The following TRMT9B variants were observed in gnomAD, a reference collection of about 807,000 sequenced individuals.
TRMT9B encodes tRNA methyltransferase 9B (putative), also known as probable tRNA methyltransferase 9B.
TRMT9B carries 16 observed loss-of-function variants against 11.5 expected under a neutral mutation model. That is an observed-to-expected ratio of 1.39 (90% CI 0.94 to 2.11). TRMT9B has a LOEUF of 2.11. Among genes scored for constraint, TRMT9B ranks in the 30% most tolerant of loss-of-function variants. The probability of loss-of-function intolerance (pLI) is 0.00; values close to 1 mark genes in which losing one functional copy is unlikely to be tolerated. For synonymous variants in TRMT9B, 274 were observed against 192.4 expected, an observed-to-expected ratio of 1.42 and a Z score of -3.51; for missense variants, 941 against 553.8, an observed-to-expected ratio of 1.70 and a Z score of -7.02.
At chr8:13,018,556 A>G (rs536556806) in intron 4 of TRMT9B, among the ~76,000 whole-genome samples, 1 of 152,266 alleles carries the variant, frequency 6.6e-6, no homozygotes, top group African/African-American at 2.4e-5. Flanking sequence ...ATAGTCAATT[A>G]TCATTATCTA....
At chr8:13,005,264 G>A (rs900129214) in intron 2 of TRMT9B, among the ~76,000 whole-genome samples, 3 of 152,132 alleles carry the variant, frequency 2.0e-5, no homozygotes, top group African/African-American at 7.2e-5. Flanking sequence ...GTTATAGAGA[G>A]TAGAAGGATG....
In TRMT9B at chr8:13,021,165, G is replaced by A. The variant is rs200382219; in HGVS notation, c.486G>A (p.Arg162=). ...AAGACGTGCTTGTTCCATGGAACAG[G>A]GCTCTGTGTTCCCAGCTCTTCTCAG... ...EKQDVLVPWN[R]ALCSQLFSES... The change falls in exon 5 of 5, where the codon AGG becomes AGA. Residue 162 remains arginine (R), a synonymous_variant. Coordinates refer to ENST00000524591, the MANE Select transcript of TRMT9B (RefSeq NM_020844.3). 1 of 1,613,822 alleles carries A rather than the reference G, an allele frequency of 6.2e-7. No homozygotes were observed. Among genetic ancestry groups the A allele is most frequent in the Non-Finnish European group, 8.5e-7 (1 of 1,179,854 alleles).
At chr8:13,014,339 C>G (rs140575076) in intron 4 of TRMT9B, among the ~76,000 whole-genome samples, 10 of 152,282 alleles carry the variant, frequency 6.6e-5, no homozygotes, top group African/African-American at 2.2e-4. Context: ...TTATTTCTCA[C>G]CGTTCTGGAG....
At chr8:12,992,765 A>G (rs747146727) in intron 2 of TRMT9B, among the ~76,000 whole-genome samples, 2 of 151,970 alleles carry the variant, frequency 1.3e-5, no homozygotes, top group African/African-American at 2.4e-5. Context: ...GCTACTCAGG[A>G]GGCTGAGGCA....
At chr8:12,991,332 A>G (rs1272295769) in intron 2 of TRMT9B, among the ~76,000 whole-genome samples, 1 of 152,244 alleles carries the variant, frequency 6.6e-6, no homozygotes, top group Non-Finnish European at 1.5e-5. Context: ...TATCATTTGT[A>G]CTTGGAAATG....
intron 1 of TRMT9B, among the ~76,000 whole-genome samples, chr8:12,981,786 C>G (rs1489975846): frequency 6.6e-6 from 1 of 151,704 alleles, no homozygotes; most frequent in African/African-American, 2.4e-5. Flanking sequence ...TTTTTAGAGA[C>G]AAGAATCTCA....
At chr8:12,977,918 A>G (rs1239766140) in intron 1 of TRMT9B, among the ~76,000 whole-genome samples, 1 of 151,906 alleles carries the variant, frequency 6.6e-6, no homozygotes, top group Non-Finnish European at 1.5e-5. Context: ...AGTCCCATCT[A>G]CTAGGGAGGC....
intron 1 of TRMT9B, among the ~76,000 whole-genome samples, chr8:12,979,267 A>C (rs1804970164): frequency 6.6e-6 from 1 of 152,146 alleles, no homozygotes; most frequent in Admixed American, 6.5e-5. Flanking sequence ...CTTTCGCATA[A>C]AGTATGTGGG....
At chr8:12,987,461 C>T (rs1806518760) in intron 1 of TRMT9B, among the ~76,000 whole-genome samples, 2 of 152,128 alleles carry the variant, frequency 1.3e-5, no homozygotes, top group African/African-American at 4.8e-5. Flanking sequence ...GAGGCCAAGG[C>T]AGGAGGACTG....
rs1814716621 is a variant in TRMT9B at position 13,026,563 on chromosome 8, G to C, written c.*4519G>C. Reference sequence around the variant, plus strand: ...TAAAAAAGAGTAATAAAGGATTTTTGTTTTTAAAAAAAGCAACGTTCATTA... The same window carrying C: ...TAAAAAAGAGTAATAAAGGATTTTTCTTTTTAAAAAAAGCAACGTTCATTA... On this transcript the variant is annotated 3_prime_UTR_variant, in exon 5 of 5. Coordinates refer to ENST00000524591, the MANE Select transcript of TRMT9B (RefSeq NM_020844.3). The C allele has an allele frequency of 6.0e-6, 1 of 167,010 alleles. No individual in the cohort carries two copies. Among genetic ancestry groups the C allele is most frequent in the African/African-American group, 2.4e-5 (1 of 41,428 alleles). The allele number at this position is 167,010 out of a possible 1,614,324, so 10.3% of individuals were successfully genotyped here.
intron 1 of TRMT9B, among the ~76,000 whole-genome samples, chr8:12,964,281 T>G (rs940678964): frequency 1.3e-5 from 2 of 152,216 alleles, no homozygotes; most frequent in Non-Finnish European, 1.5e-5. Flanking sequence ...TGATAACACA[T>G]CCTCATCTTT....
chr8:12,974,098 G>C (rs1421341214), intron 1 of TRMT9B, among the ~76,000 whole-genome samples: 4 of 152,076 alleles, frequency 2.6e-5, no homozygotes, highest in African/African-American at 9.7e-5. Flanking sequence ...TTGAGCCCAG[G>C]AATTCAAGGC....
At chr8:12,981,307 G>A (rs1284421375) in intron 1 of TRMT9B, among the ~76,000 whole-genome samples, 1 of 152,220 alleles carries the variant, frequency 6.6e-6, no homozygotes, top group Non-Finnish European at 1.5e-5. Context: ...TCATTGGCTG[G>A]CTACTTCAAA....
chr8:12,966,241 C>G (rs558429555), intron 1 of TRMT9B, among the ~76,000 whole-genome samples: 3 of 152,246 alleles, frequency 2.0e-5, no homozygotes, highest in South Asian at 2.1e-4. Context: ...CTACTGCACT[C>G]CAGCCTCGGT....
At chr8:12,998,928 A>C (rs145456963) in intron 2 of TRMT9B, among the ~76,000 whole-genome samples, 228 of 152,312 alleles carry the variant, frequency 1.5e-3, no homozygotes, top group Non-Finnish European at 2.4e-3. Flanking sequence ...GTTGCCTTTG[A>C]AATTGTGGCT....
At chr8:12,982,534 T>C (rs1276695469) in intron 1 of TRMT9B, among the ~76,000 whole-genome samples, 5 of 152,054 alleles carry the variant, frequency 3.3e-5, no homozygotes, top group Admixed American at 6.6e-5. Flanking sequence ...CAGTGGCACA[T>C]GCTTGTAATC....
intron 1 of TRMT9B, among the ~76,000 whole-genome samples, chr8:12,988,772 G>A (rs754048686): frequency 2.7e-4 from 41 of 152,080 alleles, no homozygotes; most frequent in Non-Finnish European, 5.9e-5. Flanking sequence ...TTTGGGTGGG[G>A]ACACAGCCAA....
At chr8:12,947,810 A>C (rs111639295) in intron 1 of TRMT9B, among the ~76,000 whole-genome samples, 145 of 152,354 alleles carry the variant, frequency 9.5e-4, no homozygotes, top group African/African-American at 3.4e-3. Context: ...TGTAGTCCAC[A>C]GGACATGCTA....
intron 1 of TRMT9B, among the ~76,000 whole-genome samples, chr8:12,976,722 A>G (rs1804515294): frequency 6.6e-6 from 1 of 152,232 alleles, no homozygotes; most frequent in Admixed American, 6.5e-5. Context: ...AAAACTAACC[A>G]GGGATGGCAA....
Sources: allele counts gnomAD v4.1 joint callset (sites outside exome capture counted in the v4.1 genomes callset), GRCh38; gene constraint gnomAD v4.1.1; transcripts MANE v1.5; gene names NCBI Gene and HGNC (gene_info 2026-07-23, HGNC 2026-07-21).